Variants in STK24 observed in about 807,000 individuals in gnomAD.
STK24 encodes the protein serine/threonine-protein kinase 24.
In STK24, 21 loss-of-function variants were observed where a neutral mutation model predicts 55.6. The ratio of observed to expected loss-of-function variants is 0.38; its 90% CI spans 0.27 to 0.54. STK24 has a LOEUF of 0.54. Ranked by LOEUF, STK24 falls within the 20% of genes least tolerant of loss-of-function variation. The pLI, the probability that STK24 is intolerant of heterozygous loss-of-function variation, is 0.79. For synonymous variants in STK24, 200 were observed against 215.2 expected, an observed-to-expected ratio of 0.93 and a Z score of 0.62; for missense variants, 383 against 538.4, an observed-to-expected ratio of 0.71 and a Z score of 2.86.
In STK24 at chr13:98,445,748, T is replaced by G; in HGVS notation, c.*7425A>C. On this transcript the variant is annotated 3_prime_UTR_variant, in exon 11 of 11. Transcript: ENST00000539966. ...TCCTCAGGACACCACTCCCGTTGGA[T>G]TTAGGGCCCACCCTACCCCAGTGTG... 1.2e-5 allele frequency: 2 copies of G among 172,136 alleles called. No homozygotes were observed. The highest frequency in any genetic ancestry group is 1.2e-5 in the Non-Finnish European group (1 of 80,190). 10.7% of individuals were successfully genotyped at this position (172,136 alleles called of 1,614,324 possible).
chr13:98,522,177 T>G (rs1896286150), intron 1 of STK24: 1 of 844,090 alleles, frequency 1.2e-6, no homozygotes, highest in African/African-American at 1.8e-5. Flanking sequence ...TCCAGTCCTT[T>G]AGCATCCACA....
rs1426572832 is a variant in STK24, at chr13:98,446,263, G to A, written c.*6910C>T. On this transcript the variant is annotated 3_prime_UTR_variant, in exon 11 of 11. Transcript: ENST00000539966. Reference sequence around the variant, plus strand: ...GACCTTGGGGGTGGCAGCATGAGGTGAGGGGGCCGCCCTCCTCTGGAATGA... The same window carrying A: ...GACCTTGGGGGTGGCAGCATGAGGTAAGGGGGCCGCCCTCCTCTGGAATGA... 16 of 1,123,990 alleles carry A rather than the reference G, an allele frequency of 1.4e-5. 1 individual carries two copies. In the Admixed American group the frequency reaches 2.8e-4, roughly 20 times the overall value. The allele number at this position is 1,123,990 out of a possible 1,614,324, so 69.6% of individuals were successfully genotyped here.
At chr13:98,548,914 G>GACCT (rs1167542602) in intron 1 of STK24, among the ~76,000 whole-genome samples, 3 of 145,366 alleles carry the variant, frequency 2.1e-5, no homozygotes, top group African/African-American at 5.1e-5. Flanking sequence ...TCTACCATAT[G>GACCT]ACCTTCAATA....
At chr13:98,506,958 G>T (rs1895702298) in intron 2 of STK24, among the ~76,000 whole-genome samples, 1 of 152,202 alleles carries the variant, frequency 6.6e-6, no homozygotes, top group Non-Finnish European at 1.5e-5. Flanking sequence ...GGCTTTCAGG[G>T]GAACCTCACT....
At chr13:98,565,908 C>T (rs1007635069) in intron 1 of STK24, among the ~76,000 whole-genome samples, 1 of 152,220 alleles carries the variant, frequency 6.6e-6, no homozygotes, top group Non-Finnish European at 1.5e-5. Context: ...AACAAGTTTC[C>T]CGATCAGGAG....
Position 98,446,422 on chromosome 13 carries a change from G to C in STK24, c.*6751C>G. 1 of 602,132 alleles carries C rather than the reference G, an allele frequency of 1.7e-6. No homozygotes were observed. Among genetic ancestry groups the C allele is most frequent in the Non-Finnish European group, 2.9e-6 (1 of 339,658 alleles). The allele number at this position is 602,132 out of a possible 1,614,324, so 37.3% of individuals were successfully genotyped here. A position where few individuals can be genotyped will look rare whatever the true frequency, so the allele number is the denominator to read the frequency against. ...GAAGGACAACTTCTGCCCTAGGAAGGGCCACCTGTCTTCTGCCTGGACAAG... is the reference window on the plus strand; with the variant it reads ...GAAGGACAACTTCTGCCCTAGGAAGCGCCACCTGTCTTCTGCCTGGACAAG... On this transcript the variant is annotated 3_prime_UTR_variant, in exon 11 of 11. Coordinates refer to ENST00000539966, the MANE Select transcript of STK24 (RefSeq NM_001032296.4).
chr13:98,558,710 G>A (rs1273151925), intron 1 of STK24, among the ~76,000 whole-genome samples: 4 of 152,096 alleles, frequency 2.6e-5, no homozygotes, highest in Non-Finnish European at 5.9e-5. Flanking sequence ...CTTTCTATAC[G>A]AAAATATGCA....
intron 1 of STK24, among the ~76,000 whole-genome samples, chr13:98,535,354 AAACAAAC>A (rs1323113563): frequency 0.013 from 520 of 39,728 alleles, 3 homozygotes; most frequent in East Asian, 0.019. Flanking sequence ...ACAAACAAAC[AAACAAAC>A]AAAAAAAAAA....
chr13:98,522,083 G>C, intron 1 of STK24: 1 of 1,355,588 alleles, frequency 7.4e-7, no homozygotes, highest in Non-Finnish European at 9.5e-7. Flanking sequence ...CTGCAGCCTG[G>C]CTCCGCTCTG....
intron 5 of STK24, 59 bp from the exon 6 acceptor site, chr13:98,466,620 A>G: frequency 6.5e-7 from 1 of 1,541,798 alleles, no homozygotes; most frequent in East Asian, 2.3e-5. Context: ...AATACACAGT[A>G]TTTAGGGGGA....
At chr13:98,549,734 C>A (rs1897115622) in intron 1 of STK24, among the ~76,000 whole-genome samples, 1 of 152,204 alleles carries the variant, frequency 6.6e-6, no homozygotes, top group Non-Finnish European at 1.5e-5. Context: ...GCCAACTAAA[C>A]CTCTTTCCTT....
At position 98,548,861 on chromosome 13, in the gene STK24, C is replaced by CAAAAAAA. The variant is rs55793722; in HGVS notation, c.42+27877_42+27883dup. On this transcript the variant is annotated intron_variant, in intron 1 of 10. Coordinates refer to ENST00000539966, the MANE Select transcript of STK24 (RefSeq NM_001032296.4). ...CAGGCGACAGAGTGAGACTCTGTCTCAAAAAAAAAAAAAAAAAAAAAAAAA... is the reference window on the plus strand; with the variant it reads ...CAGGCGACAGAGTGAGACTCTGTCTCAAAAAAAAAAAAAAAAAAAAAAAAAAAAAAAA... 1.9e-4 allele frequency among the ~76,000 whole-genome samples: 7 copies of CAAAAAAA among 37,800 alleles called. 1 individual carries two copies. Among genetic ancestry groups the CAAAAAAA allele is most frequent in the African/African-American group, 4.5e-4 (5 of 11,218 alleles). 24.8% of individuals were successfully genotyped at this position (37,800 alleles called of 152,430 possible). A position where few individuals can be genotyped will look rare whatever the true frequency, so the allele number is the denominator to read the frequency against.
intron 2 of STK24, among the ~76,000 whole-genome samples, chr13:98,501,237 T>C (rs1895448362): frequency 6.6e-6 from 1 of 152,236 alleles, no homozygotes; most frequent in African/African-American, 2.4e-5. Context: ...CCTGTGGAGC[T>C]GAGAAACCCC....
rs35957882 is a variant in STK24 at position 98,540,763 on chromosome 13, C to CAAAAAAAAAAAAAAA, written c.43-21305_43-21291dup. On this transcript the variant is annotated intron_variant, in intron 1 of 10. Coordinates refer to ENST00000539966, the MANE Select transcript of STK24 (RefSeq NM_001032296.4). Reference sequence around the variant, plus strand: ...GAGTGGTTAAGCTAAATATTAAAAGCAAAAAAAAAAAAAAAAAAAAGCCAT... The same window carrying CAAAAAAAAAAAAAAA: ...GAGTGGTTAAGCTAAATATTAAAAGCAAAAAAAAAAAAAAAAAAAAAAAAAAAAAAAAAAAGCCAT... 6.8e-5 allele frequency among the ~76,000 whole-genome samples: 4 copies of CAAAAAAAAAAAAAAA among 58,850 alleles called. 1 individual carries two copies. The highest frequency in any genetic ancestry group is 1.9e-4 in the African/African-American group (3 of 15,786). 38.6% of individuals were successfully genotyped at this position (58,850 alleles called of 152,430 possible). A position where few individuals can be genotyped will look rare whatever the true frequency, so the allele number is the denominator to read the frequency against.
rs372260208 is a variant in STK24 at position 98,548,980 on chromosome 13, G to A, written c.42+27765C>T. Among the ~76,000 whole-genome samples the A allele has an allele frequency of 1.1e-4, 16 of 151,516 alleles. No individual in the cohort carries two copies. In the South Asian group the frequency reaches 1.5e-3, roughly 14 times the overall value. Reference sequence around the variant, plus strand: ...AGTAATAACAAATAGAGAAGACCCCGATCAGTGCCCCGGGGTAGGACAATG... The same window carrying A: ...AGTAATAACAAATAGAGAAGACCCCAATCAGTGCCCCGGGGTAGGACAATG... On this transcript the variant is annotated intron_variant, in intron 1 of 10. Transcript: ENST00000539966.
chr13:98,476,140 AC>A (rs1353500246), intron 3 of STK24, among the ~76,000 whole-genome samples: 4 of 152,186 alleles, frequency 2.6e-5, no homozygotes, highest in Non-Finnish European at 4.4e-5. Flanking sequence ...TATATCCACA[AC>A]TATATCAGAT....
chr13:98,475,617 A>G (rs1268396274), intron 3 of STK24, among the ~76,000 whole-genome samples: 1 of 152,160 alleles, frequency 6.6e-6, no homozygotes, highest in Non-Finnish European at 1.5e-5. Context: ...GGAAGCCCGC[A>G]GCCCCGCCTG....
rs966737892 is a variant in STK24, at chr13:98,446,759, C to A, written c.*6414G>T. On this transcript the variant is annotated 3_prime_UTR_variant, in exon 11 of 11. Coordinates refer to ENST00000539966, the MANE Select transcript of STK24 (RefSeq NM_001032296.4). ...CATCCAGAAAGACTACGTGTTCAAG[C>A]TGCACTTCAAGTCCCACGTCTACTA... is the stretch of plus-strand genomic sequence containing the variant. 6.2e-7 allele frequency: 1 copy of A among 1,614,194 alleles called. No homozygotes were observed. Among genetic ancestry groups the A allele is most frequent in the Non-Finnish European group, 8.5e-7 (1 of 1,180,030 alleles).
intron 1 of STK24, among the ~76,000 whole-genome samples, chr13:98,572,107 CCTT>C (rs1472813715): frequency 6.6e-6 from 1 of 152,218 alleles, no homozygotes; most frequent in Non-Finnish European, 1.5e-5. Flanking sequence ...CAACCATGTG[CCTT>C]TGCTCACTGT....
Sources: allele counts gnomAD v4.1 joint callset (sites outside exome capture counted in the v4.1 genomes callset), GRCh38; gene constraint gnomAD v4.1.1; transcripts MANE v1.5; gene names NCBI Gene and HGNC (gene_info 2026-07-23, HGNC 2026-07-21).